The following CD46 variants were observed in gnomAD, a reference collection of about 807,000 sequenced individuals.
CD46 encodes the protein membrane cofactor protein.
A neutral mutation model predicts 53.3 loss-of-function variants in CD46; 30 were observed. The observed-to-expected ratio is 0.56, with a 90% CI of 0.42 to 0.76. The LOEUF (loss-of-function observed/expected upper bound fraction) is 0.76, where lower values mean the gene tolerates loss of function less well. Among genes scored for constraint, CD46 ranks in the 30% least tolerant of loss-of-function variants. The pLI, the probability that CD46 is intolerant of heterozygous loss-of-function variation, is 0.00. For missense variants in CD46, 409 were observed against 463.0 expected, an observed-to-expected ratio of 0.88 and a Z score of 1.07; for synonymous variants, 142 against 152.0, an observed-to-expected ratio of 0.93 and a Z score of 0.48.
intron 6 of CD46, chr1:207,767,436 G>A (rs1307551698): frequency 1.4e-6 from 1 of 717,122 alleles, no homozygotes; most frequent in African/African-American, 1.8e-5. Flanking sequence ...TACATTGCAT[G>A]GGTATATGCT....
intron 7 of CD46, chr1:207,768,058 A>C (rs902478577): frequency 2.0e-6 from 1 of 489,546 alleles, no homozygotes; most frequent in Non-Finnish European, 3.6e-6. Flanking sequence ...ATGTGTTTAT[A>C]TATATATGTT....
At chr1:207,768,792 G>A (rs1202171032) in intron 7 of CD46, 2 of 152,136 alleles carry the variant, frequency 1.3e-5, no homozygotes, top group African/African-American at 4.8e-5. Flanking sequence ...ACTTCAGTCT[G>A]GGCAGACTGT....
intron 8 of CD46, among the ~76,000 whole-genome samples, chr1:207,780,931 A>G (rs1658676077): frequency 6.6e-6 from 1 of 151,838 alleles, no homozygotes; most frequent in South Asian, 2.1e-4. Flanking sequence ...GTGGAAAGGA[A>G]AAGAGACGGT....
Position 207,757,646 on chromosome 1 carries a change from A to G in CD46, c.389+4A>G, listed in dbSNP as rs748089522. Reference sequence around the variant, plus strand: ...TGCACTTTATTTGTAATGAGGGGTAAGTTGCTCCTTAGAGGAAATAAGGGA... The same window carrying G: ...TGCACTTTATTTGTAATGAGGGGTAGGTTGCTCCTTAGAGGAAATAAGGGA... On this transcript the variant is annotated splice_donor_region_variant and intron_variant, in intron 3 of 12. Coordinates refer to ENST00000367042, the MANE Select transcript of CD46 (RefSeq NM_172351.3). The G allele has an allele frequency of 1.3e-6, 2 of 1,566,416 alleles. No individual in the cohort carries two copies. The highest frequency in any genetic ancestry group is 1.8e-6 in the Non-Finnish European group (2 of 1,138,854).
chr1:207,761,184 CAG>C (rs1656155712), intron 4 of CD46, 63 bp from the exon 5 acceptor site: 3 of 1,047,090 alleles, frequency 2.9e-6, no homozygotes, highest in Non-Finnish European at 2.9e-6. Flanking sequence ...ATTGAAGACA[CAG>C]AAATTTTACT....
chr1:207,771,855 G>A (rs1364347913), intron 8 of CD46, among the ~76,000 whole-genome samples: 3 of 152,100 alleles, frequency 2.0e-5, no homozygotes, highest in Non-Finnish European at 4.4e-5. Context: ...TGTTCTTTTT[G>A]CTTAGGGTTG....
At chr1:207,754,416 C>G (rs1160436848) in intron 1 of CD46, among the ~76,000 whole-genome samples, 1 of 152,146 alleles carries the variant, frequency 6.6e-6, no homozygotes, top group African/African-American at 2.4e-5. Flanking sequence ...CACATACAAC[C>G]CAGTTCAAGT....
rs967304595 is a variant in CD46 at position 207,752,672 on chromosome 1, G to A, written c.97+363G>A. Among the ~76,000 whole-genome samples the A allele has an allele frequency of 1.3e-5, 2 of 152,134 alleles. No individual in the cohort carries two copies. The highest frequency in any genetic ancestry group is 4.8e-5 in the African/African-American group (2 of 41,428). On this transcript the variant is annotated intron_variant, in intron 1 of 12. Transcript: ENST00000367042. The surrounding 1 kb of genome is among the most constrained non-coding windows in gnomAD (Gnocchi z 4.1). ...CACAGGTGCGTGGGAGTGTTGCTAGGGCCCGTGCTGTGTCCGTGGTGAGAG... is the reference window on the plus strand; with the variant it reads ...CACAGGTGCGTGGGAGTGTTGCTAGAGCCCGTGCTGTGTCCGTGGTGAGAG...
intron 8 of CD46, among the ~76,000 whole-genome samples, chr1:207,770,569 C>G (rs1004083859): frequency 6.6e-6 from 1 of 152,212 alleles, no homozygotes; most frequent in Non-Finnish European, 1.5e-5. Flanking sequence ...TAACCCCTGA[C>G]AGGCCCCAGT....
At chr1:207,770,214 G>A (rs1657339194) in intron 7 of CD46, 107 bp from the exon 8 acceptor site, 1 of 813,412 alleles carries the variant, frequency 1.2e-6, no homozygotes, top group Admixed American at 1.9e-5. Flanking sequence ...TTTGTAAAGT[G>A]TGTAGTTTTC....
intron 8 of CD46, among the ~76,000 whole-genome samples, chr1:207,773,828 G>A (rs1022900319): frequency 1.3e-5 from 2 of 152,160 alleles, no homozygotes; most frequent in African/African-American, 4.8e-5. Flanking sequence ...TAGAATAAGT[G>A]CGATGTGGTG....
At chr1:207,768,457 G>C (rs1029564910) in intron 7 of CD46, 1 of 152,444 alleles carries the variant, frequency 6.6e-6, no homozygotes, top group Admixed American at 6.5e-5. Context: ...AATTTCTGCT[G>C]TCCTCAGAAC....
chr1:207,763,087 T>A (rs1202576286), intron 5 of CD46: 1 of 152,524 alleles, frequency 6.6e-6, no homozygotes, highest in South Asian at 2.1e-4. Context: ...TGGCCTCAGA[T>A]GTGGTCAGTT....
intron 8 of CD46, among the ~76,000 whole-genome samples, chr1:207,774,973 G>C (rs1263047348): frequency 1.3e-5 from 2 of 152,222 alleles, no homozygotes; most frequent in African/African-American, 4.8e-5. Flanking sequence ...ATATCCTGAA[G>C]AGTGTTTTCT....
chr1:207,782,848 T>C (rs1240639749), intron 8 of CD46, among the ~76,000 whole-genome samples: 1 of 148,312 alleles, frequency 6.7e-6, no homozygotes, highest in Admixed American at 6.8e-5. Flanking sequence ...AGAGACGGGG[T>C]GTCACCATGT....
Position 207,761,363 on chromosome 1 carries a change from C to T in CD46, c.590C>T (p.Pro197Leu). 1 of 1,613,744 alleles carries T rather than the reference C, an allele frequency of 6.2e-7. No individual in the cohort carries two copies. The highest frequency in any genetic ancestry group is 1.3e-5 in the African/African-American group (1 of 75,022). Reference sequence around the variant, plus strand: ...TATAGTTGTGATCCTGCACCTGGACCAGATCCATTTTCACTTATTGGAGAG... The same window carrying T: ...TATAGTTGTGATCCTGCACCTGGACTAGATCCATTTTCACTTATTGGAGAG... Reference protein sequence around the residue: ...VTYSCDPAPGPDPFSLIGEST... With the variant: ...VTYSCDPAPGLDPFSLIGEST... Residue 197 changes from proline to leucine, a missense_variant, in exon 5 of 13, where the codon CCA becomes CTA. Physicochemically the swap from Pro to Leu is moderately conservative, Grantham distance 98. Coordinates refer to ENST00000367042, the MANE Select transcript of CD46 (RefSeq NM_172351.3).
chr1:207,767,396 G>C (rs1484405714), intron 6 of CD46: 2 of 710,870 alleles, frequency 2.8e-6, no homozygotes, highest in Admixed American at 5.1e-5. Context: ...GTGATTTTTT[G>C]TGCTTTTCCA....
intron 5 of CD46, among the ~76,000 whole-genome samples, chr1:207,765,518 T>A (rs1375807451): frequency 6.6e-6 from 1 of 152,164 alleles, no homozygotes; most frequent in African/African-American, 2.4e-5. Context: ...CAGCATTATA[T>A]TGGAGATCCC....
At chr1:207,782,091 AT>A (rs990794710) in intron 8 of CD46, among the ~76,000 whole-genome samples, 13 of 151,892 alleles carry the variant, frequency 8.6e-5, no homozygotes, top group African/African-American at 2.9e-4. Flanking sequence ...TATATCTTTA[AT>A]TTTTTTTAGC....
Sources: allele counts gnomAD v4.1 joint callset (sites outside exome capture counted in the v4.1 genomes callset), GRCh38; gene constraint gnomAD v4.1.1; non-coding constraint Gnocchi (gnomAD v3.1); transcripts MANE v1.5; gene names NCBI Gene and HGNC (gene_info 2026-07-23, HGNC 2026-07-21).